Variants in ANO2 observed in about 807,000 individuals in gnomAD.
ANO2 encodes the protein anoctamin-2.
A neutral mutation model predicts 124.2 loss-of-function variants in ANO2; 101 were observed. The ratio of observed to expected loss-of-function variants is 0.81; its 90% confidence interval spans 0.69 to 0.96. The LOEUF (loss-of-function observed/expected upper bound fraction) is 0.96, where lower values mean the gene tolerates loss of function less well. Among genes scored for constraint, ANO2 ranks in the 40% least tolerant of loss-of-function variants. The pLI is 0.00. For synonymous variants in ANO2, 486 were observed against 482.5 expected (o/e 1.01, Z -0.09); for missense variants, 1,293 against 1,274.5 (o/e 1.01, Z -0.22).
At chr12:5,842,454 T>C (rs954954813) in intron 4 of ANO2, among the ~76,000 whole-genome samples, 2 of 152,230 alleles carry the variant, frequency 1.3e-5, no homozygotes, top group East Asian at 3.9e-4. Context: ...TGTGCCACCA[T>C]GATGCCCTGC....
chr12:5,902,656 A>G (rs1402602933), intron 3 of ANO2, among the ~76,000 whole-genome samples: 2 of 328 alleles, frequency 6.1e-3, no homozygotes, highest in Non-Finnish European at 0.014. Flanking sequence ...GAGGAAGGGA[A>G]GGGAGGGGAG....
At chr12:5,919,721 G>A (rs188044767) in intron 3 of ANO2, among the ~76,000 whole-genome samples, 133 of 151,934 alleles carry the variant, frequency 8.8e-4, no homozygotes, top group African/African-American at 2.9e-3. Context: ...TTTTTGAGAC[G>A]GAGTCTCGCT....
At chr12:5,695,832 C>T (rs1267887340) in intron 14 of ANO2, among the ~76,000 whole-genome samples, 1 of 152,116 alleles carries the variant, frequency 6.6e-6, no homozygotes, top group African/African-American at 2.4e-5. Flanking sequence ...CAGAGCAAGA[C>T]TCCATCTCTA....
At chr12:5,934,332 C>T (rs985903251) in intron 1 of ANO2, among the ~76,000 whole-genome samples, 2 of 152,200 alleles carry the variant, frequency 1.3e-5, no homozygotes, top group Admixed American at 1.3e-4. Flanking sequence ...TGGTAAATCC[C>T]TTCCTGGCTG....
chr12:5,900,918 C>T lies in ANO2; in HGVS notation c.534+20122G>A, dbSNP rs1386723287. 6.6e-6 allele frequency among the ~76,000 whole-genome samples: 1 copy of T among 152,190 alleles called. No individual in the cohort carries two copies. Among genetic ancestry groups the T allele is most frequent in the Non-Finnish European group, 1.5e-5 (1 of 68,026 alleles). Reference sequence around the variant, plus strand: ...GACAGGTCTCAGTCTAGGTCATTCCCCTGCCGGCAGCACTTTGATGGCTTT... The same window carrying T: ...GACAGGTCTCAGTCTAGGTCATTCCTCTGCCGGCAGCACTTTGATGGCTTT... On this transcript the variant is annotated intron_variant, in intron 3 of 24. Coordinates refer to ENST00000682330, the MANE Select transcript of ANO2 (RefSeq NM_001364791.2). This position sits in a 1 kb window ranked among gnomAD's most constrained non-coding sequence, Gnocchi z 4.2.
At chr12:5,885,586 C>A (rs1269520688) in intron 3 of ANO2, among the ~76,000 whole-genome samples, 2 of 152,254 alleles carry the variant, frequency 1.3e-5, no homozygotes, top group Non-Finnish European at 2.9e-5. Context: ...AAAGAGTGAA[C>A]CTAAGAAAGG....
In ANO2 at chr12:5,921,181, T is replaced by C. The variant is rs768717681; in HGVS notation, c.393A>G (p.Thr131=). ...GGCCCCCAGCATGAGGCTCCTTGCC[T>C]GTCTCCCCATTGGAGACGATAGCCA... ...HSLAIVSNGE[T]GKEPHAGGPG... Residue 131 remains threonine, a synonymous_variant, in exon 3 of 25, where the codon ACA becomes ACG. Transcript: ENST00000682330. The C allele has an allele frequency of 1.2e-6, 2 of 1,613,972 alleles. No homozygotes were observed. The highest frequency in any genetic ancestry group is 1.7e-6 in the Non-Finnish European group (2 of 1,179,864).
intron 16 of ANO2, among the ~76,000 whole-genome samples, chr12:5,634,480 G>A (rs890633036): frequency 1.3e-5 from 2 of 152,168 alleles, no homozygotes; most frequent in African/African-American, 4.8e-5. Flanking sequence ...TAAATACAAT[G>A]GGACAGGGTC....
In ANO2 at chr12:5,601,099, T is replaced by C. The variant is rs568945243; in HGVS notation, c.2088-1470A>G. On this transcript the variant is annotated intron_variant, in intron 19 of 24. Coordinates refer to ENST00000682330, the MANE Select transcript of ANO2 (RefSeq NM_001364791.2). ...CAGATTTCACAAATCACCAACTATA[T>C]GTCCATGGGCAAGTTATTACAACTC... 5.3e-5 allele frequency among the ~76,000 whole-genome samples: 8 copies of C among 152,352 alleles called. No homozygotes were observed. In the South Asian group the frequency reaches 8.3e-4, roughly 16 times the overall value.
At chr12:5,739,022 C>T in intron 13 of ANO2, 1 of 540,840 alleles carries the variant, frequency 1.8e-6, no homozygotes, top group Non-Finnish European at 3.5e-6. Context: ...CGTCTTGCCT[C>T]TTGTTCTTGC....
At chr12:5,811,548 C>T (rs762336951) in intron 7 of ANO2, among the ~76,000 whole-genome samples, 36 of 152,056 alleles carry the variant, frequency 2.4e-4, no homozygotes, top group Non-Finnish European at 4.1e-4. Context: ...AAAATGTCCA[C>T]GAAAATATAG....
chr12:5,831,373 C>T (rs748429733), intron 5 of ANO2, among the ~76,000 whole-genome samples: 6 of 152,110 alleles, frequency 3.9e-5, no homozygotes, highest in Non-Finnish European at 7.4e-5. Context: ...GTAAAACGAA[C>T]GGAGGTGCAT....
In ANO2 at chr12:5,925,412, T is replaced by C. The variant is rs956588778; in HGVS notation, c.23-2608A>G. On this transcript the variant is annotated intron_variant, in intron 1 of 24. Transcript: ENST00000682330. The surrounding 1 kb of genome is among the most constrained non-coding windows in gnomAD (Gnocchi z 4.6). ...CTGCCTGGGAACTCTGCTTCCCTTC[T>C]CTCCCTCTCCCCACAAGTGATTAGA... Among the ~76,000 whole-genome samples, 1 of 152,016 alleles carries C rather than the reference T, an allele frequency of 6.6e-6. No individual in the cohort carries two copies. Among genetic ancestry groups the C allele is most frequent in the Non-Finnish European group, 1.5e-5 (1 of 68,004 alleles).
rs973880748 is a variant in ANO2 at position 5,925,549 on chromosome 12, C to T, written c.23-2745G>A. ...CGTGAGAGGAAGGCCAAGGGGAACG[C>T]GAGTGACGCCTGCCCTCAGGAAGGG... On this transcript the variant is annotated intron_variant, in intron 1 of 24. Coordinates refer to ENST00000682330, the MANE Select transcript of ANO2 (RefSeq NM_001364791.2). This position sits in a 1 kb window ranked among gnomAD's most constrained non-coding sequence, Gnocchi z 4.6. 2.0e-4 allele frequency among the ~76,000 whole-genome samples: 30 copies of T among 152,138 alleles called. No homozygotes were observed. The highest frequency in any genetic ancestry group is 7.2e-4 in the African/African-American group (30 of 41,422).
rs574954384 is a variant in ANO2 at position 5,943,983 on chromosome 12, TCA to T, written c.22+1211_22+1212del. ...TGTGTTTGGATCCCACCCTTACCCC[TCA>T]CACAGTCTCTACAGTCAACCAGCAG... On this transcript the variant is annotated intron_variant, in intron 1 of 24. Coordinates refer to ENST00000682330, the MANE Select transcript of ANO2 (RefSeq NM_001364791.2). 4.5e-4 allele frequency among the ~76,000 whole-genome samples: 68 copies of T among 152,214 alleles called. 1 individual carries two copies. The South Asian group carries it at 9.7e-3, about 22-fold the overall frequency.
rs181066636 is a variant in ANO2, at chr12:5,746,398, A to G, written c.1191-2081T>C. 4.6e-3 allele frequency among the ~76,000 whole-genome samples: 703 copies of G among 152,294 alleles called. 10 individuals are homozygous for G. Among genetic ancestry groups the G allele is most frequent in the Non-Finnish European group, 4.1e-3 (278 of 68,020 alleles). ...TATTGGGGGGTTTTTGATGTAATCA[A>G]TTTTAACAGAATTCTAGAGGAATTC... is the stretch of plus-strand genomic sequence containing the variant. On this transcript the variant is annotated intron_variant, in intron 11 of 24. Coordinates refer to ENST00000682330, the MANE Select transcript of ANO2 (RefSeq NM_001364791.2).
chr12:5,923,739 G>A (rs1591800041), intron 1 of ANO2, among the ~76,000 whole-genome samples: 2 of 152,196 alleles, frequency 1.3e-5, no homozygotes, highest in African/African-American at 2.4e-5. Context: ...GGAACTGAGA[G>A]AGTAGATAGT....
chr12:5,600,635 T>C (rs1449107736), intron 19 of ANO2, among the ~76,000 whole-genome samples: 1 of 152,258 alleles, frequency 6.6e-6, no homozygotes, highest in Non-Finnish European at 1.5e-5. Context: ...GGTGGAGTTA[T>C]TTCATACTTC....
intron 1 of ANO2, among the ~76,000 whole-genome samples, chr12:5,926,819 C>T (rs1942101856): frequency 1.3e-5 from 2 of 152,100 alleles, no homozygotes; most frequent in Non-Finnish European, 1.5e-5. Context: ...GTGATGTTGC[C>T]GGAGGAAGGC....
Sources: allele counts gnomAD v4.1 joint callset (sites outside exome capture counted in the v4.1 genomes callset), GRCh38; gene constraint gnomAD v4.1.1; non-coding constraint Gnocchi (gnomAD v3.1); transcripts MANE v1.5; gene names NCBI Gene and HGNC (gene_info 2026-07-23, HGNC 2026-07-21).